FAM234B: variants seen among roughly 807,000 people sequenced by gnomAD.
FAM234B encodes the protein family with sequence similarity 234 member B.
A neutral mutation model predicts 69.3 loss-of-function variants in FAM234B; 33 were observed. The ratio of observed to expected loss-of-function variants is 0.48; its 90% confidence interval spans 0.36 to 0.64. FAM234B has a LOEUF of 0.64. Ranked by LOEUF, FAM234B falls within the 30% of genes least tolerant of loss-of-function variation. The pLI, the probability that FAM234B is intolerant of heterozygous loss-of-function variation, is 0.00. For synonymous variants in FAM234B, 306 were observed against 306.9 expected, an observed-to-expected ratio of 1.00 and a Z score of 0.03; for missense variants, 697 against 769.7, an observed-to-expected ratio of 0.91 and a Z score of 1.12.
chr12:13,076,043 T>C lies in FAM234B; in HGVS notation c.1542T>C (p.Thr514=). ...ATTATCAGGATATCATCCTAGGAAC[T>C]GAGCCGCCCAGCCTTCACCACCTTT... ...ASPNSDIILG[T]EPPSLHHLYL... is the part of the protein sequence containing the mutation. The change falls in exon 11 of 13, where the codon ACT becomes ACC. Residue 514 remains threonine (T), a synonymous_variant. Transcript: ENST00000197268. The C allele has an allele frequency of 6.2e-7, 1 of 1,614,052 alleles. No individual in the cohort carries two copies. The highest frequency in any genetic ancestry group is 8.5e-7 in the Non-Finnish European group (1 of 1,179,924).
At chr12:13,070,108 A>G (rs931002710) in intron 9 of FAM234B, among the ~76,000 whole-genome samples, 3 of 150,628 alleles carry the variant, frequency 2.0e-5, no homozygotes, top group African/African-American at 7.3e-5. Context: ...GGGTAATAAT[A>G]TTGCCTGCCT....
rs1402000121 is a variant in FAM234B, at chr12:13,081,588, C to G, written c.*958C>G. ...TCCTTAGCTCCCCTCACTCTGTTTT[C>G]TCTTCTATTCAGGGATATGTTTCTG... On this transcript the variant is annotated 3_prime_UTR_variant, in exon 13 of 13. Transcript: ENST00000197268. 1 of 152,202 alleles carries G rather than the reference C, an allele frequency of 6.6e-6. No individual in the cohort carries two copies. The highest frequency in any genetic ancestry group is 1.5e-5 in the Non-Finnish European group (1 of 68,044). The allele number at this position is 152,202 out of a possible 1,614,324, so 9.4% of individuals were successfully genotyped here.
At chr12:13,077,292 T>C (rs1313397985) in intron 11 of FAM234B, among the ~76,000 whole-genome samples, 5 of 152,128 alleles carry the variant, frequency 3.3e-5, no homozygotes, top group Non-Finnish European at 5.9e-5. Context: ...TATTATACTT[T>C]AAGGTTTAGG....
rs768653409 is a variant in FAM234B at position 13,061,662 on chromosome 12, G to T, written c.620G>T (p.Arg207Leu). Residue 207 changes from arginine (R) to leucine (L), a missense_variant, in exon 4 of 13, where the codon CGA (arginine) becomes CTA (leucine). This residue lies in a region of FAM234B where 380 missense variants were observed against 447.1 expected (regional missense o/e 0.85). Transcript: ENST00000197268. ...LWSSLLPEEA[R>L]DITCLELMPG... ...TCTAGTCTTCTCCCTGAGGAGGCTC[G>T]AGATATCACATGTTTGGAGCTGATG... 1 of 1,614,030 alleles carries T rather than the reference G, an allele frequency of 6.2e-7. No homozygotes were observed. Among genetic ancestry groups the T allele is most frequent in the Admixed American group, 1.7e-5 (1 of 60,012 alleles).
rs141258084 is a variant in FAM234B at position 13,079,878 on chromosome 12, A to C, written c.1732A>C (p.Ser578Arg). The C allele has an allele frequency of 2.5e-4, 406 of 1,614,106 alleles. 2 individuals carry two copies. The African/African-American group carries it at 4.5e-3, about 18-fold the overall frequency. ...AGGCCATCCAGCAGCCCTGGTGGTC[A>C]GCAAGCTTAGTCTACGGTGGGCACT... ...SEGHPAALVV[S>R]KLSLRWALME... Residue 578 changes from serine (S) to arginine (R), a missense_variant, in exon 12 of 13, where the codon AGC (serine) becomes CGC (arginine). Ser to Arg is a moderately radical substitution (Grantham distance 110). Around this residue, in one of 3 missense-constraint regions of FAM234B, gnomAD observed 313 missense variants for 305.5 expected, o/e 1.02. Coordinates refer to ENST00000197268, the MANE Select transcript of FAM234B (RefSeq NM_020853.2).
chr12:13,082,605 G>A lies in FAM234B; in HGVS notation c.*1975G>A, dbSNP rs138203358. On this transcript the variant is annotated 3_prime_UTR_variant, in exon 13 of 13. Coordinates refer to ENST00000197268, the MANE Select transcript of FAM234B (RefSeq NM_020853.2). ...GAATCTACTTGAGTTTAAGGGCCTG[G>A]GACCTAATTTGGTTTAGTATAGAAT... The A allele has an allele frequency of 9.5e-4, 144 of 152,268 alleles. No homozygotes were observed. The highest frequency in any genetic ancestry group is 3.4e-3 in the African/African-American group (141 of 41,550). The allele number at this position is 152,268 out of a possible 1,614,324, so 9.4% of individuals were successfully genotyped here. A position where few individuals can be genotyped will look rare whatever the true frequency, so the allele number is the denominator to read the frequency against.
intron 10 of FAM234B, among the ~76,000 whole-genome samples, chr12:13,074,100 T>C (rs2120501471): frequency 6.6e-6 from 1 of 152,366 alleles, no homozygotes; most frequent in East Asian, 1.9e-4. Flanking sequence ...ATCTTACCCT[T>C]CTTGGTGCCT....
At position 13,066,756 on chromosome 12, in the gene FAM234B, A is replaced by C; in HGVS notation, c.969A>C (p.Thr323=). The C allele has an allele frequency of 6.2e-7, 1 of 1,614,008 alleles. No individual in the cohort carries two copies. The highest frequency in any genetic ancestry group is 8.5e-7 in the Non-Finnish European group (1 of 1,179,938). The change falls in exon 6 of 13, where the codon ACA becomes ACC. Residue 323 remains threonine, a synonymous_variant. Coordinates refer to ENST00000197268, the MANE Select transcript of FAM234B (RefSeq NM_020853.2). ...NLIGPQVYIT[T]NGAVYILFGF... The stretch of plus-strand genomic sequence containing the variant: ...TTGGTCCTCAGGTTTACATCACCAC[A>C]AATGGGGCTGTCTACATCCTGTTTG...
In FAM234B at chr12:13,055,928, C is replaced by T. The variant is rs1391178745; in HGVS notation, c.415C>T (p.His139Tyr). 6.4e-7 allele frequency: 1 copy of T among 1,568,250 alleles called. No individual in the cohort carries two copies. Among genetic ancestry groups the T allele is most frequent in the African/African-American group, 1.4e-5 (1 of 73,590 alleles). Residue 139 changes from histidine (H) to tyrosine (Y), a missense_variant, in exon 2 of 13, where the codon CAC (histidine) becomes TAC (tyrosine). By Grantham distance (83) the His-to-Tyr change is moderately conservative (BLOSUM62 2). Transcript: ENST00000197268. ...AGATCTGCACAGCACCTGGAGCCGC[C>T]ACTTGGGCTCCCAGGGAGGTGAGCT... ...PRDLHSTWSR[H>Y]LGSQGGGDLS...
chr12:13,076,983 T>C (rs1865168681), intron 11 of FAM234B, among the ~76,000 whole-genome samples: 1 of 152,216 alleles, frequency 6.6e-6, no homozygotes, highest in African/African-American at 2.4e-5. Context: ...CTTGGCTGTC[T>C]ACTTACAAAC....
intron 2 of FAM234B, 71 bp downstream of exon 2, chr12:13,056,017 T>C: frequency 7.0e-7 from 1 of 1,425,146 alleles, no homozygotes; most frequent in Middle Eastern, 1.8e-4. Context: ...TAAATTTTCC[T>C]CCAAATCTTA....
intron 11 of FAM234B, among the ~76,000 whole-genome samples, chr12:13,078,690 G>A (rs978914245): frequency 5.9e-5 from 9 of 152,276 alleles, no homozygotes; most frequent in African/African-American, 2.2e-4. Flanking sequence ...CTTCAGCAAA[G>A]TCTCAGGATA....
At chr12:13,071,475 G>A (rs937485752) in intron 10 of FAM234B, 79 bp downstream of exon 10, 1 of 1,334,778 alleles carries the variant, frequency 7.5e-7, no homozygotes, top group African/African-American at 1.5e-5. Flanking sequence ...TTCTGGAGAT[G>A]TTATTTGACC....
chr12:13,073,944 G>C (rs542316755), intron 10 of FAM234B, among the ~76,000 whole-genome samples: 1 of 152,198 alleles, frequency 6.6e-6, no homozygotes, highest in Non-Finnish European at 1.5e-5. Flanking sequence ...GATCTCTCTG[G>C]GGCATTGTCA....
At chr12:13,080,044 GT>G in intron 12 of FAM234B, 35 bp downstream of exon 12, 1 of 1,469,360 alleles carries the variant, frequency 6.8e-7, no homozygotes, top group Non-Finnish European at 9.2e-7. Flanking sequence ...CCTCTTGAGG[GT>G]TTAGGACAAA....
At chr12:13,076,215 G>C in intron 11 of FAM234B, 72 bp downstream of exon 11, 1 of 1,131,558 alleles carries the variant, frequency 8.8e-7, no homozygotes, top group Non-Finnish European at 1.3e-6. Context: ...TGTGTAATGA[G>C]ACCATTGCCC....
intron 1 of FAM234B, among the ~76,000 whole-genome samples, chr12:13,048,649 A>G (rs1254188003): frequency 6.6e-6 from 1 of 152,052 alleles, no homozygotes. Context: ...ACGGGATCAT[A>G]TGTAGCCCGT....
At position 13,071,280 on chromosome 12, in the gene FAM234B, AGTTACCGTGCTCCGT is replaced by A. The variant is rs768282699; in HGVS notation, c.1411_1425del (p.Tyr471_Cys475del). ...TGGTGACTCTGGCTCCATTGTTTGG[AGTTACCGTGCTCCGT>A]GTCACATGAAAGAAACGCCAGCCAC... is the stretch of plus-strand genomic sequence containing the variant. On this transcript the variant is annotated inframe_deletion, in exon 10 of 13. Transcript: ENST00000197268. The A allele has an allele frequency of 1.2e-6, 2 of 1,613,790 alleles. No homozygotes were observed. Among genetic ancestry groups the A allele is most frequent in the African/African-American group, 2.7e-5 (2 of 74,828 alleles).
intron 10 of FAM234B, 42 bp downstream of exon 10, chr12:13,071,438 G>A: frequency 1.9e-6 from 3 of 1,573,442 alleles, no homozygotes; most frequent in Non-Finnish European, 2.6e-6. Context: ...TTTGTCAGAT[G>A]GCAGCTGCTG....
Sources: allele counts gnomAD v4.1 joint callset (sites outside exome capture counted in the v4.1 genomes callset), GRCh38; gene constraint gnomAD v4.1.1; regional missense constraint gnomAD v4.1.1; transcripts MANE v1.5; gene names NCBI Gene and HGNC (gene_info 2026-07-23, HGNC 2026-07-21).